LAMP3: variants seen among roughly 807,000 people sequenced by gnomAD.
LAMP3 encodes the protein lysosome-associated membrane glycoprotein 3.
LAMP3 carries 26 observed loss-of-function variants against 34.8 expected under a neutral mutation model. The ratio of observed to expected loss-of-function variants is 0.75; its 90% confidence interval spans 0.55 to 1.04. LAMP3 has a LOEUF of 1.04. Ranked by LOEUF, LAMP3 falls within the 50% of genes least tolerant of loss-of-function variation. The probability of loss-of-function intolerance (pLI) is 0.00; values close to 1 mark genes in which losing one functional copy is unlikely to be tolerated. For synonymous variants in LAMP3, 180 were observed against 201.9 expected (o/e 0.89, Z 0.92); for missense variants, 495 against 524.0 (o/e 0.94, Z 0.54).
rs572200107 is a variant in LAMP3 at position 183,157,937 on chromosome 3, G to T, written c.50-3546C>A. Among the ~76,000 whole-genome samples the T allele has an allele frequency of 2.0e-3, 302 of 152,248 alleles. 2 individuals are homozygous for T. The highest frequency in any genetic ancestry group is 3.7e-3 in the Non-Finnish European group (249 of 68,008). On this transcript the variant is annotated intron_variant, in intron 1 of 5. Coordinates refer to ENST00000265598, the MANE Select transcript of LAMP3 (RefSeq NM_014398.4). ...GGAAGCCTTGGTGGGGTGGCTAGAG[G>T]TGATGGCAGTTGAGATGTCTTGATA...
upstream of LAMP3, chr3:183,162,874 GC>G: frequency 7.6e-6 from 4 of 527,378 alleles, no homozygotes; most frequent in Non-Finnish European, 1.3e-5. Flanking sequence ...AGCCGCCGGG[GC>G]CCGGGCCTCT....
chr3:183,125,965 G>C (rs1341611960), intron 5 of LAMP3, among the ~76,000 whole-genome samples: 1 of 152,088 alleles, frequency 6.6e-6, no homozygotes, highest in East Asian at 1.9e-4. Flanking sequence ...ACCACACTTG[G>C]CCTATATTTC....
chr3:183,152,855 T>C (rs1454420983), intron 2 of LAMP3, among the ~76,000 whole-genome samples: 2 of 152,186 alleles, frequency 1.3e-5, no homozygotes, highest in East Asian at 3.9e-4. Flanking sequence ...GGAAGTTTTA[T>C]TTGAAATCAT....
chr3:183,147,308 G>C (rs1720478068), intron 3 of LAMP3, among the ~76,000 whole-genome samples: 1 of 151,974 alleles, frequency 6.6e-6, no homozygotes, highest in South Asian at 2.1e-4. Context: ...ATGGACATTG[G>C]ACCATCCCAA....
chr3:183,140,655 G>A, intron 3 of LAMP3, 60 bp from the exon 4 acceptor site: 2 of 1,138,392 alleles, frequency 1.8e-6, no homozygotes, highest in Non-Finnish European at 2.7e-6. Context: ...TACAATCTTG[G>A]TTTATAAACT....
At chr3:183,125,108 T>A (rs1228237303) in intron 5 of LAMP3, among the ~76,000 whole-genome samples, 6 of 152,180 alleles carry the variant, frequency 3.9e-5, no homozygotes, top group Admixed American at 3.3e-4. Context: ...GGTCAGAGAC[T>A]AATAAATCTC....
intron 3 of LAMP3, among the ~76,000 whole-genome samples, chr3:183,146,138 G>T (rs1303047925): frequency 1.3e-5 from 2 of 151,962 alleles, no homozygotes; most frequent in Non-Finnish European, 2.9e-5. Flanking sequence ...CATGATTTTT[G>T]CCTCCTAGGA....
intron 1 of LAMP3, among the ~76,000 whole-genome samples, chr3:183,161,554 C>G (rs564012779): frequency 1.3e-5 from 2 of 152,106 alleles, no homozygotes; most frequent in Non-Finnish European, 1.5e-5. Context: ...CCATGCCCGG[C>G]TAATTTCTGT....
chr3:183,132,211 A>G (rs1410044309), intron 5 of LAMP3: 9 of 985,202 alleles, frequency 9.1e-6, no homozygotes, highest in Non-Finnish European at 1.1e-5. Context: ...TATGTGCTTT[A>G]AATTAAAAAA....
At chr3:183,149,400 C>T (rs949508074) in intron 3 of LAMP3, among the ~76,000 whole-genome samples, 8 of 151,064 alleles carry the variant, frequency 5.3e-5, no homozygotes, top group Non-Finnish European at 8.8e-5. Flanking sequence ...ATTAGCCAGG[C>T]GTGGTGGTGC....
intron 5 of LAMP3, among the ~76,000 whole-genome samples, chr3:183,130,964 C>T (rs77037932): frequency 0.037 from 5,627 of 152,248 alleles, 223 homozygotes; most frequent in East Asian, 0.19. Flanking sequence ...AGCCCAGCTC[C>T]ACTGCCCCCT....
rs150877930 is a variant in LAMP3, at chr3:183,154,621, G to A, written c.50-230C>T. Among the ~76,000 whole-genome samples the A allele has an allele frequency of 4.6e-3, 701 of 152,290 alleles. 9 individuals are homozygous for A. Among genetic ancestry groups the A allele is most frequent in the African/African-American group, 0.016 (668 of 41,560 alleles). The stretch of plus-strand genomic sequence containing the variant: ...CCATGCCTTTTACAGGGTTATGACA[G>A]TTCCACAGCACCCAGCCCCTTTGCC... On this transcript the variant is annotated intron_variant, in intron 1 of 5. Coordinates refer to ENST00000265598, the MANE Select transcript of LAMP3 (RefSeq NM_014398.4).
rs139429240 is a variant in LAMP3, at chr3:183,154,289, G to A, written c.152C>T (p.Pro51Leu). The change falls in exon 2 of 6, where the codon CCT becomes CTT. Residue 51 changes from proline to leucine, a missense_variant. Physicochemically the swap from Pro to Leu is moderately conservative, Grantham distance 98. Transcript: ENST00000265598. ...AAATVQDIKK[P>L]VQQPAKQAPH... is the part of the protein sequence containing the mutation. ...TGCTTGCTTAGCTGGTTGCTGGACA[G>A]GTTTTTTTATGTCCTGTACTGTTGC... 1.9e-6 allele frequency: 3 copies of A among 1,613,966 alleles called. No homozygotes were observed. Among genetic ancestry groups the A allele is most frequent in the Admixed American group, 1.7e-5 (1 of 59,972 alleles).
At chr3:183,132,749 C>T in intron 5 of LAMP3, 1 of 985,474 alleles carries the variant, frequency 1.0e-6, no homozygotes, top group Non-Finnish European at 1.2e-6. Context: ...AATCCTTTCA[C>T]TTCAGGCTGA....
At chr3:183,155,744 G>C (rs1264371400) in intron 1 of LAMP3, among the ~76,000 whole-genome samples, 2 of 152,236 alleles carry the variant, frequency 1.3e-5, no homozygotes, top group Non-Finnish European at 2.9e-5. Flanking sequence ...GCACCGTGAA[G>C]GTGGAAACTG....
At chr3:183,125,330 C>A (rs1413010451) in intron 5 of LAMP3, among the ~76,000 whole-genome samples, 1 of 151,964 alleles carries the variant, frequency 6.6e-6, no homozygotes, top group Admixed American at 6.6e-5. Flanking sequence ...TACCTGAGAT[C>A]TGAGAAAAAA....
intron 2 of LAMP3, among the ~76,000 whole-genome samples, chr3:183,153,428 T>C (rs540770809): frequency 6.6e-6 from 1 of 152,286 alleles, no homozygotes; most frequent in African/African-American, 2.4e-5. Context: ...TCTGCCCATG[T>C]TGGCTAAAAG....
intron 5 of LAMP3, among the ~76,000 whole-genome samples, chr3:183,131,310 G>T (rs1719911464): frequency 6.6e-6 from 1 of 152,196 alleles, no homozygotes; most frequent in African/African-American, 2.4e-5. Context: ...TAATCATTCT[G>T]CAGAAGAGTG....
At chr3:183,134,592 A>T (rs1337227544) in intron 5 of LAMP3, among the ~76,000 whole-genome samples, 2 of 152,200 alleles carry the variant, frequency 1.3e-5, no homozygotes, top group Non-Finnish European at 2.9e-5. Context: ...TGGATGACAA[A>T]TGGGGCCAAC....
Sources: allele counts gnomAD v4.1 joint callset (sites outside exome capture counted in the v4.1 genomes callset), GRCh38; gene constraint gnomAD v4.1.1; transcripts MANE v1.5; gene names NCBI Gene and HGNC (gene_info 2026-07-23, HGNC 2026-07-21).